The following DDX59 variants were observed in gnomAD, a reference collection of about 807,000 sequenced individuals.
DDX59 encodes the protein DEAD-box helicase 59.
In DDX59, 30 loss-of-function variants were observed where a neutral mutation model predicts 51.9. The observed-to-expected ratio is 0.58, with a 90% CI of 0.43 to 0.78. The LOEUF is 0.78. DDX59 is among the 30% of genes least tolerant of loss of function. The probability of loss-of-function intolerance (pLI) is 0.00; values close to 1 mark genes in which losing one functional copy is unlikely to be tolerated. For missense variants in DDX59, 672 were observed against 730.8 expected (o/e 0.92, Z 0.93); for synonymous variants, 255 against 253.3 (o/e 1.01, Z -0.06).
chr1:200,650,566 T>C lies in DDX59; in HGVS notation c.1173A>G (p.Ile391Met), dbSNP rs1177373395. Residue 391 changes from isoleucine to methionine, a missense_variant, in exon 5 of 8, where the codon ATA becomes ATG. By Grantham distance (10) the Ile-to-Met change is conservative. Transcript: ENST00000331314. The part of the protein sequence containing the change: ...ILVSATIPTS[I>M]EQLASQLLHN... ...GCAGAAGCTGGCTTGCTAGCTGTTC[T>C]ATGCTAGTTGGAATTGTGGCTGAAA... is the stretch of plus-strand genomic sequence containing the variant. 6.2e-7 allele frequency: 1 copy of C among 1,614,046 alleles called. No individual in the cohort carries two copies. The highest frequency in any genetic ancestry group is 1.3e-5 in the African/African-American group (1 of 74,952).
chr1:200,658,994 T>G (rs1662206994), intron 4 of DDX59, 33 bp downstream of exon 4: 1 of 1,513,758 alleles, frequency 6.6e-7, no homozygotes, highest in South Asian at 1.2e-5. Flanking sequence ...TTGTGTAAAA[T>G]CATGTAACTG....
chr1:200,660,262 G>A (rs1662291824), intron 3 of DDX59, among the ~76,000 whole-genome samples: 1 of 152,124 alleles, frequency 6.6e-6, no homozygotes. Context: ...CTCTTACATG[G>A]TGTACTGGTA....
Position 200,648,456 on chromosome 1 carries a change from C to T in DDX59, c.1579G>A (p.Asp527Asn), listed in dbSNP as rs759056076. ...VVNFDMPSSM[D>N]EYVHQIGRVG... ...CTCCTTACCTGATGGACATACTCAT[C>T]CATACTTGAAGGCATATCAAAATTG... The change falls in exon 7 of 8, where the codon GAT (aspartate) becomes AAT (asparagine). Residue 527 changes from aspartate (D) to asparagine (N), a missense_variant. Asp to Asn is a conservative substitution (Grantham distance 23, BLOSUM62 1). Coordinates refer to ENST00000331314, the MANE Select transcript of DDX59 (RefSeq NM_001031725.6). The T allele has an allele frequency of 1.2e-6, 2 of 1,613,952 alleles. No homozygotes were observed. The highest frequency in any genetic ancestry group is 2.7e-5 in the African/African-American group (2 of 74,922).
chr1:200,667,700 T>C (rs1025920492), intron 1 of DDX59, among the ~76,000 whole-genome samples: 1 of 152,096 alleles, frequency 6.6e-6, no homozygotes, highest in Non-Finnish European at 1.5e-5. Context: ...AAGCCACAAA[T>C]CATAGAGAAA....
At chr1:200,646,978 A>G (rs1443540322) in intron 7 of DDX59, among the ~76,000 whole-genome samples, 3 of 152,256 alleles carry the variant, frequency 2.0e-5, no homozygotes, top group Admixed American at 6.5e-5. Context: ...TATGCTAAGT[A>G]AAACAATCAA....
chr1:200,648,357 C>T, intron 7 of DDX59, 82 bp downstream of exon 7: 1 of 1,580,342 alleles, frequency 6.3e-7, no homozygotes, highest in Admixed American at 1.7e-5. Context: ...ATACTGCTTT[C>T]TTAAACTTGG....
intron 4 of DDX59, among the ~76,000 whole-genome samples, chr1:200,652,655 G>A (rs1356747859): frequency 1.4e-5 from 2 of 145,998 alleles, no homozygotes; most frequent in African/African-American, 2.5e-5. Flanking sequence ...TGCAGAGTGG[G>A]CCATAAAAAG....
chr1:200,643,823 C>G (rs1364940286), downstream of DDX59, among the ~76,000 whole-genome samples: 1 of 152,042 alleles, frequency 6.6e-6, no homozygotes, highest in Non-Finnish European at 1.5e-5. Context: ...ATTTATCTTT[C>G]AAAAGTGGTT....
intron 5 of DDX59, 130 bp downstream of exon 5, chr1:200,650,295 A>T: frequency 1.0e-6 from 1 of 958,308 alleles, no homozygotes; most frequent in Non-Finnish European, 1.5e-6. Context: ...ATTCTAGGGT[A>T]GGTAAAGCAA....
intron 5 of DDX59, 88 bp downstream of exon 5, chr1:200,650,337 G>C: frequency 7.2e-7 from 1 of 1,388,844 alleles, no homozygotes; most frequent in South Asian, 1.6e-5. Flanking sequence ...CAAATTCCCT[G>C]AAAGTTCAAT....
chr1:200,659,362 C>T (rs1345498181), intron 3 of DDX59, among the ~76,000 whole-genome samples: 1 of 152,168 alleles, frequency 6.6e-6, no homozygotes, highest in African/African-American at 2.4e-5. Flanking sequence ...CTATCCAGTC[C>T]TACCCAACAC....
chr1:200,659,157 A>C, intron 3 of DDX59, 41 bp from the exon 4 acceptor site: 1 of 1,462,914 alleles, frequency 6.8e-7, no homozygotes, highest in Non-Finnish European at 9.6e-7. Flanking sequence ...AATCAGTAAT[A>C]GCTATTTTCA....
At chr1:200,642,656 G>GT (rs1401071132), downstream of DDX59, among the ~76,000 whole-genome samples, 1 of 152,220 alleles carries the variant, frequency 6.6e-6, no homozygotes, top group Non-Finnish European at 1.5e-5. Flanking sequence ...GGAAGAACCA[G>GT]TAACAGGAGT....
At chr1:200,650,374 G>T in intron 5 of DDX59, 51 bp downstream of exon 5, 2 of 1,550,536 alleles carry the variant, frequency 1.3e-6, no homozygotes, top group Non-Finnish European at 1.7e-6. Context: ...TAAGAGCTGT[G>T]AAAAATGCAA....
At chr1:200,644,908 A>T (rs991104696) in intron 7 of DDX59, among the ~76,000 whole-genome samples, 1 of 151,368 alleles carries the variant, frequency 6.6e-6, no homozygotes, top group African/African-American at 2.4e-5. Context: ...AAAAAAAAAA[A>T]AAAAAAAAAG....
chr1:200,660,242 T>A (rs1261706343), intron 3 of DDX59, among the ~76,000 whole-genome samples: 1 of 152,246 alleles, frequency 6.6e-6, no homozygotes, highest in Non-Finnish European at 1.5e-5. Flanking sequence ...ACTACCTTAG[T>A]TTTAAAGTTC....
At chr1:200,652,873 C>A (rs1319010708) in intron 4 of DDX59, among the ~76,000 whole-genome samples, 1 of 151,806 alleles carries the variant, frequency 6.6e-6, no homozygotes, top group African/African-American at 2.4e-5. Context: ...TTTGCAGAGA[C>A]TGGGTTTCCC....
At chr1:200,657,631 C>T (rs1662113675) in intron 4 of DDX59, among the ~76,000 whole-genome samples, 1 of 152,044 alleles carries the variant, frequency 6.6e-6, no homozygotes, top group Admixed American at 6.6e-5. Context: ...CGCCTGTAGT[C>T]CCAGCTACTC....
At position 200,666,156 on chromosome 1, in the gene DDX59, C is replaced by T. The variant is rs1571655875; in HGVS notation, c.585G>A (p.Gly195=). 6.2e-7 allele frequency: 1 copy of T among 1,614,178 alleles called. No homozygotes were observed. The change falls in exon 2 of 8, where the codon GGG becomes GGA. Residue 195 remains glycine, a synonymous_variant. Coordinates refer to ENST00000331314, the MANE Select transcript of DDX59 (RefSeq NM_001031725.6). ...CAATAATGGGCCTGGTGACTTCTTGCCCTTGAACTAAAATTCCCAGCTGCT... is the reference window on the plus strand; with the variant it reads ...CAATAATGGGCCTGGTGACTTCTTGTCCTTGAACTAAAATTCCCAGCTGCT... ...LKQQLGILVQ[G]QEVTRPIIDF... is the part of the protein sequence containing the mutation.
Sources: allele counts gnomAD v4.1 joint callset (sites outside exome capture counted in the v4.1 genomes callset), GRCh38; gene constraint gnomAD v4.1.1; transcripts MANE v1.5; gene names NCBI Gene and HGNC (gene_info 2026-07-23, HGNC 2026-07-21).